Variants in FOCAD observed in about 807,000 individuals in gnomAD.
FOCAD encodes focadhesin, also known as KIAA1797.
FOCAD carries 198 observed loss-of-function variants against 225.6 expected under a neutral mutation model. That is an observed-to-expected ratio of 0.88 (90% CI 0.78 to 0.99). FOCAD has a LOEUF of 0.99. Ranked by LOEUF, FOCAD falls within the 50% of genes least tolerant of loss-of-function variation. The pLI is 0.00. For synonymous variants in FOCAD, 897 were observed against 755.0 expected, an observed-to-expected ratio of 1.19 and a Z score of -3.08; for missense variants, 2,713 against 2,123.6, an observed-to-expected ratio of 1.28 and a Z score of -5.46.
At chr9:20,958,596 T>C (rs1019820010) in intron 35 of FOCAD, among the ~76,000 whole-genome samples, 1 of 152,162 alleles carries the variant, frequency 6.6e-6, no homozygotes, top group East Asian at 1.9e-4. Context: ...ATAACTATAC[T>C]CACCCTACAG....
At chr9:20,882,303 C>A (rs766368156) in intron 20 of FOCAD, among the ~76,000 whole-genome samples, 1 of 152,160 alleles carries the variant, frequency 6.6e-6, no homozygotes, top group Non-Finnish European at 1.5e-5. Context: ...GGGGGATACC[C>A]ACTCAGCCCA....
intron 11 of FOCAD, among the ~76,000 whole-genome samples, chr9:20,814,479 C>T (rs1335818374): frequency 1.3e-5 from 2 of 151,998 alleles, no homozygotes; most frequent in Non-Finnish European, 2.9e-5. Flanking sequence ...CCTCAGCCTC[C>T]CAAGTAGCTG....
chr9:20,948,810 G>T, intron 31 of FOCAD, 41 bp from the exon 32 acceptor site: 2 of 1,601,282 alleles, frequency 1.2e-6, no homozygotes, highest in South Asian at 2.2e-5. Context: ...TAAACCCAAG[G>T]ACTGATTCCC....
chr9:20,702,943 A>G (rs1386344819), intron 1 of FOCAD, among the ~76,000 whole-genome samples: 1 of 152,046 alleles, frequency 6.6e-6, no homozygotes, highest in Non-Finnish European at 1.5e-5. Context: ...CTGGGGAGAT[A>G]GTGGTAAGAG....
At chr9:20,869,678 A>G (rs1829597869) in intron 18 of FOCAD, among the ~76,000 whole-genome samples, 1 of 152,160 alleles carries the variant, frequency 6.6e-6, no homozygotes, top group Non-Finnish European at 1.5e-5. Context: ...GTCATTTGTT[A>G]TTAAGAATTT....
chr9:20,898,902 C>G (rs890867291), intron 21 of FOCAD, among the ~76,000 whole-genome samples: 1 of 151,878 alleles, frequency 6.6e-6, no homozygotes, highest in Non-Finnish European at 1.5e-5. Flanking sequence ...ATAATTAGGT[C>G]TCAATCTCAT....
chr9:20,866,917 T>TTTTTTTTTTTTTTTTTTTA lies in FOCAD; in HGVS notation c.2107-12_2107-11insTTTTTTTTTTTTTTTTTTA. The stretch of plus-strand genomic sequence containing the variant: ...TTTTTTTTTTTTTTTTTTTTTTTTT[T>TTTTTTTTTTTTTTTTTTTA]ACCCTATCTAGGACCCAATTGTAGC... On this transcript the variant is annotated splice_polypyrimidine_tract_variant and intron_variant, in intron 17 of 43. Transcript: ENST00000338382. The TTTTTTTTTTTTTTTTTTTA allele has an allele frequency of 3.9e-6, 3 of 764,970 alleles. No homozygotes were observed. The highest frequency in any genetic ancestry group is 6.0e-6 in the Non-Finnish European group (3 of 498,468). 47.4% of individuals were successfully genotyped at this position (764,970 alleles called of 1,614,324 possible).
At chr9:20,863,619 T>G (rs990492601) in intron 16 of FOCAD, 3 of 152,086 alleles carry the variant, frequency 2.0e-5, no homozygotes, top group Non-Finnish European at 4.4e-5. Context: ...ATGTAGCCTT[T>G]TTTTAGGGTC....
chr9:20,867,450 C>T (rs1340031662), intron 18 of FOCAD, among the ~76,000 whole-genome samples: 2 of 151,932 alleles, frequency 1.3e-5, no homozygotes, highest in African/African-American at 4.8e-5. Context: ...ATATAGGTAG[C>T]TCCAGAAAAC....
chr9:20,765,194 G>C (rs1029344745), intron 7 of FOCAD, 121 bp downstream of exon 7: 1 of 778,098 alleles, frequency 1.3e-6, no homozygotes, highest in Admixed American at 3.4e-5. Context: ...CCTCGCTCTA[G>C]AAATGCTTAC....
At chr9:20,794,109 T>G (rs1348790321) in intron 11 of FOCAD, among the ~76,000 whole-genome samples, 1 of 152,234 alleles carries the variant, frequency 6.6e-6, no homozygotes, top group African/African-American at 2.4e-5. Flanking sequence ...CAACTTGGCC[T>G]TGATTTATAA....
chr9:20,812,172 A>G (rs1016927674), intron 11 of FOCAD, among the ~76,000 whole-genome samples: 5 of 152,094 alleles, frequency 3.3e-5, no homozygotes, highest in East Asian at 1.9e-4. Context: ...TTAAAAGCAG[A>G]CACTGCTTTG....
chr9:20,892,954 C>G (rs1279424471), intron 21 of FOCAD, among the ~76,000 whole-genome samples: 1 of 152,012 alleles, frequency 6.6e-6, no homozygotes, highest in African/African-American at 2.4e-5. Context: ...CTTCCACTCA[C>G]AAAAATATTA....
chr9:20,919,482 A>T (rs1350684790), intron 24 of FOCAD, among the ~76,000 whole-genome samples: 1 of 152,154 alleles, frequency 6.6e-6, no homozygotes, highest in Non-Finnish European at 1.5e-5. Flanking sequence ...TTCATATGGA[A>T]CCAAAAAGCC....
At chr9:20,953,672 A>T (rs999085541) in intron 35 of FOCAD, among the ~76,000 whole-genome samples, 1 of 152,222 alleles carries the variant, frequency 6.6e-6, no homozygotes, top group Non-Finnish European at 1.5e-5. Context: ...ATGCTCCTTA[A>T]TAATACACAT....
intron 3 of FOCAD, among the ~76,000 whole-genome samples, chr9:20,718,879 A>G (rs1272145597): frequency 6.6e-6 from 1 of 152,176 alleles, no homozygotes; most frequent in African/African-American, 2.4e-5. Flanking sequence ...CGGTGTAATA[A>G]TAGAGTGATG....
At chr9:20,680,704 C>T (rs1444748621), upstream of FOCAD, among the ~76,000 whole-genome samples, 6 of 152,120 alleles carry the variant, frequency 3.9e-5, no homozygotes, top group African/African-American at 1.4e-4. Flanking sequence ...TGGTGGCTTA[C>T]ACCTATAATC....
intron 1 of FOCAD, among the ~76,000 whole-genome samples, chr9:20,714,672 C>T (rs1021749002): frequency 1.3e-5 from 2 of 148,688 alleles, no homozygotes; most frequent in African/African-American, 2.6e-5. Context: ...TCCTTCCTTC[C>T]TTCCTTCCTT....
chr9:20,708,624 C>G (rs1292104025), intron 1 of FOCAD, among the ~76,000 whole-genome samples: 2 of 151,786 alleles, frequency 1.3e-5, no homozygotes, highest in African/African-American at 4.8e-5. Context: ...TTTAAAAAAA[C>G]TTTAGCCAGG....
Sources: allele counts gnomAD v4.1 joint callset (sites outside exome capture counted in the v4.1 genomes callset), GRCh38; gene constraint gnomAD v4.1.1; transcripts MANE v1.5; gene names NCBI Gene and HGNC (gene_info 2026-07-23, HGNC 2026-07-21).